DAPK2: variants seen among roughly 807,000 people sequenced by gnomAD.
DAPK2 encodes the protein death-associated protein kinase 2.
In DAPK2, 35 loss-of-function variants were observed where a neutral mutation model predicts 44.1. The observed-to-expected ratio is 0.79, with a 90% confidence interval of 0.61 to 1.05. DAPK2 has a LOEUF of 1.05. Ranked by LOEUF, DAPK2 falls within the 50% of genes least tolerant of loss-of-function variation. DAPK2 has a pLI of 0.00. For synonymous variants in DAPK2, 174 were observed against 182.6 expected (o/e 0.95, Z 0.38); for missense variants, 453 against 483.2 (o/e 0.94, Z 0.59).
At chr15:63,978,285 T>TAG (rs571713615) in intron 2 of DAPK2, among the ~76,000 whole-genome samples, 1 of 152,202 alleles carries the variant, frequency 6.6e-6, no homozygotes, top group Non-Finnish European at 1.5e-5. Context: ...TGCCAGCCCC[T>TAG]GCCAGGTTGT....
intron 7 of DAPK2, 119 bp from the exon 9 acceptor site, chr15:63,924,980 C>T (rs908922411): frequency 9.5e-7 from 1 of 1,049,246 alleles, no homozygotes; most frequent in Middle Eastern, 2.1e-4. Flanking sequence ...GCCGTCAAAC[C>T]AGTGGAATGG....
Position 63,931,682 on chromosome 15 carries a change from G to A in DAPK2, c.584-1227C>T, listed in dbSNP as rs138410533. Among the ~76,000 whole-genome samples the A allele has an allele frequency of 8.9e-3, 1,351 of 152,300 alleles. 15 individuals are homozygous for A. Among genetic ancestry groups the A allele is most frequent in the South Asian group, 0.018 (86 of 4,828 alleles). ...CAGGGGAGTGGTCCAGAGCCATCAC[G>A]TTTGGAGCCATCCATGTACAGGAAG... On this transcript the variant is annotated intron_variant, in intron 4 of 10. Coordinates refer to ENST00000261891, the Ensembl canonical transcript of DAPK2.
At chr15:63,915,994 C>T (rs879748081) in intron 8 of DAPK2, among the ~76,000 whole-genome samples, 6 of 151,342 alleles carry the variant, frequency 4.0e-5, no homozygotes, top group Non-Finnish European at 5.9e-5. Context: ...TCTCCTGACC[C>T]GCCCCTCCCT....
At chr15:63,913,975 C>T (rs1019009360) in intron 8 of DAPK2, among the ~76,000 whole-genome samples, 1 of 152,228 alleles carries the variant, frequency 6.6e-6, no homozygotes, top group African/African-American at 2.4e-5. Flanking sequence ...TATGTCAATG[C>T]CCTGCCCTAC....
intron 2 of DAPK2, among the ~76,000 whole-genome samples, chr15:63,972,013 G>A (rs1469971171): frequency 6.6e-6 from 1 of 152,214 alleles, no homozygotes; most frequent in East Asian, 1.9e-4. Context: ...TGAAGTTAGA[G>A]ACCTCACAAA....
chr15:63,938,233 G>A (rs1292850230), intron 4 of DAPK2, among the ~76,000 whole-genome samples: 2 of 152,346 alleles, frequency 1.3e-5, no homozygotes, highest in African/African-American at 2.4e-5. Flanking sequence ...GGCTGTATCT[G>A]TATTTGAATC....
rs901543175 is a variant in DAPK2, at chr15:63,955,366, A to G, written c.454-16005T>C. ...TCTATCAAATGCTTTTTCAGCTTCAATTGAAATGATTATGTTTTTTTCCTT... is the reference window on the plus strand; with the variant it reads ...TCTATCAAATGCTTTTTCAGCTTCAGTTGAAATGATTATGTTTTTTTCCTT... On this transcript the variant is annotated intron_variant, in intron 3 of 10. Transcript: ENST00000261891. Among the ~76,000 whole-genome samples, 8 of 152,322 alleles carry G rather than the reference A, an allele frequency of 5.3e-5. 1 individual carries two copies. In the South Asian group the frequency reaches 1.2e-3, roughly 24 times the overall value.
At chr15:63,976,936 G>T (rs1281059040) in intron 2 of DAPK2, among the ~76,000 whole-genome samples, 1 of 152,148 alleles carries the variant, frequency 6.6e-6, no homozygotes, top group Non-Finnish European at 1.5e-5. Flanking sequence ...AGCGCCAATA[G>T]GCAGGGTATC....
chr15:63,947,627 T>C (rs1477279974), intron 3 of DAPK2, among the ~76,000 whole-genome samples: 1 of 152,200 alleles, frequency 6.6e-6, no homozygotes, highest in Non-Finnish European at 1.5e-5. Flanking sequence ...AAATTAGGAA[T>C]AACAATCATA....
At chr15:63,965,434 C>G (rs781490078) in intron 3 of DAPK2, among the ~76,000 whole-genome samples, 2 of 152,030 alleles carry the variant, frequency 1.3e-5, no homozygotes, top group African/African-American at 2.4e-5. Context: ...TGGGTCTTGC[C>G]CAAGGCTTAT....
intron 1 of DAPK2, among the ~76,000 whole-genome samples, chr15:64,023,073 A>C (rs1294467994): frequency 6.6e-6 from 1 of 152,122 alleles, no homozygotes; most frequent in Non-Finnish European, 1.5e-5. Context: ...CTGCCATCTT[A>C]ACTTACTCAT....
rs1344093563 is a variant in DAPK2, at chr15:64,020,745, C to T, written c.92+19425G>A. Reference sequence around the variant, plus strand: ...GGCCTCTAAAGAAAGTCCCTGTTCCCAAAAGCACCTCAGGTACTAGAAGGA... The same window carrying T: ...GGCCTCTAAAGAAAGTCCCTGTTCCTAAAAGCACCTCAGGTACTAGAAGGA... On this transcript the variant is annotated intron_variant, in intron 1 of 10. Coordinates refer to ENST00000261891, the Ensembl canonical transcript of DAPK2. This position sits in a 1 kb window ranked among gnomAD's most constrained non-coding sequence, Gnocchi z 4.5. 1.3e-5 allele frequency among the ~76,000 whole-genome samples: 2 copies of T among 152,140 alleles called. No homozygotes were observed. Among genetic ancestry groups the T allele is most frequent in the African/African-American group, 4.8e-5 (2 of 41,428 alleles).
rs139704043 is a variant in DAPK2, at chr15:63,960,207, T to G, written c.453+11216A>C. The stretch of plus-strand genomic sequence containing the variant: ...TGTGGGATTGGTGGTGATATCCCCT[T>G]TATCATTTTTTATCGCATCTATTTG... On this transcript the variant is annotated intron_variant, in intron 3 of 10. Transcript: ENST00000261891. Among the ~76,000 whole-genome samples, 755 of 152,344 alleles carry G rather than the reference T, an allele frequency of 5.0e-3. 13 individuals carry two copies. In the East Asian group the frequency reaches 0.05, roughly 10 times the overall value.
chr15:63,943,451 G>C (rs1431172991), intron 3 of DAPK2, among the ~76,000 whole-genome samples: 1 of 152,080 alleles, frequency 6.6e-6, no homozygotes, highest in Non-Finnish European at 1.5e-5. Context: ...AAGAAACCGA[G>C]ACTATAACAT....
chr15:63,928,688 T>C (rs865921978), intron 6 of DAPK2, among the ~76,000 whole-genome samples: 1 of 151,978 alleles, frequency 6.6e-6, no homozygotes, highest in Non-Finnish European at 1.5e-5. Flanking sequence ...TGGAAAGTGA[T>C]AGTATCATGG....
At chr15:64,036,326 T>TATATATATACATATATATATATATATAC (rs1555484568) in intron 1 of DAPK2, among the ~76,000 whole-genome samples, 5 of 109,702 alleles carry the variant, frequency 4.6e-5, no homozygotes, top group African/African-American at 1.5e-4. Context: ...TATGTATATA[T>TATATATATACATATATATATATATATAC]ATATATATAT....
rs1333653575 is a variant in DAPK2 at position 63,923,585 on chromosome 15, A to G, written c.858+1231T>C. ...GTCCACAGCCATTAGAGAGAGCTCC[A>G]CACACATAGCATTTAAGGGGTGCTC... On this transcript the variant is annotated intron_variant, in intron 8 of 10. Transcript: ENST00000261891. This position sits in a 1 kb window ranked among gnomAD's most constrained non-coding sequence, Gnocchi z 4.2. Among the ~76,000 whole-genome samples, 1 of 152,198 alleles carries G rather than the reference A, an allele frequency of 6.6e-6. No individual in the cohort carries two copies. Among genetic ancestry groups the G allele is most frequent in the African/African-American group, 2.4e-5 (1 of 41,460 alleles).
At chr15:63,933,227 CTAA>C (rs935682543) in intron 4 of DAPK2, among the ~76,000 whole-genome samples, 2 of 152,080 alleles carry the variant, frequency 1.3e-5, no homozygotes, top group African/African-American at 4.8e-5. Context: ...GGTCATTTTT[CTAA>C]TAATTTATTT....
chr15:63,925,678 G>GCGCACACACACA (rs1352051474), intron 7 of DAPK2, among the ~76,000 whole-genome samples: 1 of 138,544 alleles, frequency 7.2e-6, no homozygotes, highest in African/African-American at 2.8e-5. Context: ...GACTTGTAGC[G>GCGCACACACACA]CACACACACA....
Sources: gnomAD v4.1 joint callset for allele counts (sites outside exome capture counted in the v4.1 genomes callset) on GRCh38, gnomAD v4.1.1 for gene constraint, Gnocchi (gnomAD v3.1) non-coding constraint, MANE v1.5 for transcripts, NCBI Gene and HGNC (gene_info 2026-07-23, HGNC 2026-07-21) for gene names.